The following FKBP5 variants were observed in gnomAD, a reference collection of about 807,000 sequenced individuals.
FKBP5 encodes peptidyl-prolyl cis-trans isomerase FKBP5.
FKBP5 carries 23 observed loss-of-function variants against 50.5 expected under a neutral mutation model. That is an observed-to-expected ratio of 0.46 (90% confidence interval 0.33 to 0.65). The LOEUF is 0.65. Among genes scored for constraint, FKBP5 ranks in the 30% least tolerant of loss-of-function variants. FKBP5 has a pLI of 0.02. For missense variants in FKBP5, 411 were observed against 553.1 expected (o/e 0.74, Z 2.58); for synonymous variants, 176 against 190.6 (o/e 0.92, Z 0.63).
At chr6:35,620,106 C>T (rs1204591157) in intron 4 of FKBP5, 26 bp downstream of exon 4, 1 of 1,613,668 alleles carries the variant, frequency 6.2e-7, no homozygotes, top group East Asian at 2.2e-5. Context: ...CAGATGCTGA[C>T]AAGGCAACAT....
Position 35,627,372 on chromosome 6 carries a change from C to T in FKBP5, c.251-7098G>A, listed in dbSNP as rs145374662. Among the ~76,000 whole-genome samples, 343 of 152,220 alleles carry T rather than the reference C, an allele frequency of 2.3e-3. 1 individual carries two copies. The highest frequency in any genetic ancestry group is 3.4e-3 in the Non-Finnish European group (230 of 68,000). On this transcript the variant is annotated intron_variant, in intron 3 of 10. Coordinates refer to ENST00000357266, the MANE Select transcript of FKBP5 (RefSeq NM_004117.4). ...GCCCAGACTGGTCTTGAACTCCTGGCGTCTAAGTGACCCTCCCACCTAGGT... is the reference window on the plus strand; with the variant it reads ...GCCCAGACTGGTCTTGAACTCCTGGTGTCTAAGTGACCCTCCCACCTAGGT...
At chr6:35,687,971 G>C (rs1765880173) in intron 1 of FKBP5, among the ~76,000 whole-genome samples, 1 of 152,228 alleles carries the variant, frequency 6.6e-6, no homozygotes, top group South Asian at 2.1e-4. Context: ...TACTGTGACC[G>C]GTGCACCTTT....
intron 3 of FKBP5, among the ~76,000 whole-genome samples, chr6:35,623,139 G>A (rs1763896917): frequency 6.6e-6 from 1 of 152,240 alleles, no homozygotes; most frequent in Admixed American, 6.5e-5. Flanking sequence ...CTACTCCGGA[G>A]GCTGAGGCAG....
intron 5 of FKBP5, among the ~76,000 whole-genome samples, chr6:35,614,466 T>C (rs927865830): frequency 2.0e-5 from 3 of 152,066 alleles, no homozygotes; most frequent in Non-Finnish European, 4.4e-5. Context: ...AAATGGAATA[T>C]ACAGGGTAAC....
At chr6:35,587,245 T>C in intron 7 of FKBP5, 128 bp from the exon 8 acceptor site, 2 of 823,968 alleles carry the variant, frequency 2.4e-6, no homozygotes, top group East Asian at 2.4e-5. Context: ...GTTGAAATTG[T>C]GTGTCAGTGC....
At chr6:35,616,465 T>C (rs544378619) in intron 5 of FKBP5, among the ~76,000 whole-genome samples, 21 of 152,104 alleles carry the variant, frequency 1.4e-4, no homozygotes, top group Non-Finnish European at 2.9e-4. Context: ...AACTTCCTGA[T>C]TTTGATAAAT....
chr6:35,697,270 G>A (rs969680924), intron 2 of FKBP5, among the ~76,000 whole-genome samples: 1 of 152,174 alleles, frequency 6.6e-6, no homozygotes, highest in Admixed American at 6.5e-5. Context: ...AAGTAAGGCC[G>A]GGAGCAGTGG....
intron 1 of FKBP5, among the ~76,000 whole-genome samples, chr6:35,688,540 C>G (rs1434175640): frequency 6.6e-6 from 1 of 151,284 alleles, no homozygotes; most frequent in Non-Finnish European, 1.5e-5. Flanking sequence ...GGTCACTAGT[C>G]TCCGCGCCTC....
At chr6:35,582,946 G>T in intron 8 of FKBP5, 1 of 833,884 alleles carries the variant, frequency 1.2e-6, no homozygotes, top group Non-Finnish European at 1.4e-6. Flanking sequence ...TTCTAAAGTG[G>T]TGTGGTGGCT....
intron 5 of FKBP5, among the ~76,000 whole-genome samples, chr6:35,612,686 A>G (rs2150973123): frequency 6.6e-6 from 1 of 152,372 alleles, no homozygotes; most frequent in African/African-American, 2.4e-5. Context: ...ACCCTTCTTC[A>G]CATGGCGGCA....
chr6:35,589,884 G>T (rs1057444485), intron 7 of FKBP5, among the ~76,000 whole-genome samples: 5 of 152,180 alleles, frequency 3.3e-5, no homozygotes, highest in African/African-American at 4.8e-5. Flanking sequence ...TCACTACTGG[G>T]GGTGAATCCC....
At chr6:35,616,794 T>C (rs1429823262) in intron 5 of FKBP5, among the ~76,000 whole-genome samples, 1 of 152,178 alleles carries the variant, frequency 6.6e-6, no homozygotes, top group African/African-American at 2.4e-5. Context: ...CCTGTATCCA[T>C]AGGAGTAAAC....
At chr6:35,646,138 A>G (rs1764623478) in intron 1 of FKBP5, among the ~76,000 whole-genome samples, 2 of 152,238 alleles carry the variant, frequency 1.3e-5, no homozygotes, top group African/African-American at 2.4e-5. Flanking sequence ...GAGGAAAAAA[A>G]GAAACATTTT....
chr6:35,692,276 G>A (rs749219591), upstream of FKBP5, among the ~76,000 whole-genome samples: 51 of 152,178 alleles, frequency 3.4e-4, no homozygotes, highest in Admixed American at 1.2e-3. Flanking sequence ...CACCTTGCCC[G>A]AACTTATCAT....
chr6:35,692,718 A>C (rs1010767711), upstream of FKBP5, among the ~76,000 whole-genome samples: 1 of 150,228 alleles, frequency 6.7e-6, no homozygotes, highest in South Asian at 2.1e-4. Flanking sequence ...CTGAACCCAG[A>C]CGGTGGAAGT....
At position 35,659,350 on chromosome 6, in the gene FKBP5, C is replaced by T. The variant is rs2150998849; in HGVS notation, c.-19-16507G>A. ...GCAACCTCTGCCTCCTGGGTTCAAG[C>T]GATTCTCCTGTCTCAGCCTCTGGAG... On this transcript the variant is annotated intron_variant, in intron 1 of 10. Transcript: ENST00000357266. Among the ~76,000 whole-genome samples the T allele has an allele frequency of 2.5e-5, 2 of 81,126 alleles. 1 individual carries two copies. The highest frequency in any genetic ancestry group is 7.7e-5 in the African/African-American group (2 of 25,994). 53.2% of individuals were successfully genotyped at this position (81,126 alleles called of 152,430 possible).
At chr6:35,668,530 C>T (rs1765291705) in intron 1 of FKBP5, among the ~76,000 whole-genome samples, 1 of 152,178 alleles carries the variant, frequency 6.6e-6, no homozygotes, top group South Asian at 2.1e-4. Context: ...ATGGAATTTT[C>T]ACTTAATGTG....
At chr6:35,669,673 ATAGAATG>A (rs143829994) in intron 1 of FKBP5, among the ~76,000 whole-genome samples, 54 of 152,360 alleles carry the variant, frequency 3.5e-4, no homozygotes, top group African/African-American at 1.3e-3. Context: ...ATTACAATGC[ATAGAATG>A]GTACCTGATG....
intron 5 of FKBP5, among the ~76,000 whole-genome samples, chr6:35,614,765 A>C (rs889969426): frequency 6.6e-6 from 1 of 152,138 alleles, no homozygotes; most frequent in Non-Finnish European, 1.5e-5. Flanking sequence ...AAGGGCAAAT[A>C]AACTTGTGGT....
Sources: gnomAD v4.1 joint callset for allele counts (sites outside exome capture counted in the v4.1 genomes callset) on GRCh38, gnomAD v4.1.1 for gene constraint, MANE v1.5 for transcripts, NCBI Gene and HGNC (gene_info 2026-07-23, HGNC 2026-07-21) for gene names.